ABHD3: variants seen among roughly 807,000 people sequenced by gnomAD.
The protein encoded by ABHD3 is phospholipase ABHD3.
ABHD3 carries 46 observed loss-of-function variants against 48.8 expected under a neutral mutation model. The observed-to-expected ratio is 0.94, with a 90% CI of 0.74 to 1.20. ABHD3 has a LOEUF of 1.20. ABHD3 is among the 50% of genes most tolerant of loss of function. The pLI is 0.00. For synonymous variants in ABHD3, 192 were observed against 183.7 expected (o/e 1.04, Z -0.36); for missense variants, 490 against 497.8 (o/e 0.98, Z 0.15).
chr18:21,674,194 T>G (rs2039822447), intron 4 of ABHD3, among the ~76,000 whole-genome samples: 1 of 151,928 alleles, frequency 6.6e-6, no homozygotes, highest in Non-Finnish European at 1.5e-5. Context: ...AATTATTATT[T>G]CTAAAACTCT....
chr18:21,703,710 C>A lies in ABHD3; in HGVS notation c.200G>T (p.Arg67Leu), dbSNP rs747133283. The change falls in exon 2 of 9, where the codon CGC becomes CTC. Residue 67 changes from arginine to leucine, a missense_variant. Arg to Leu is a moderately radical substitution (Grantham distance 102). Transcript: ENST00000289119. ...QLVTGGESFS[R>L]FLQDHCPVVT... is the part of the protein sequence containing the mutation. ...CACGGGACAGTGGTCTTGAAGGAAG[C>A]GGCTGAAACTCTCACCCCCGGTCAC... 1.9e-6 allele frequency: 3 copies of A among 1,613,882 alleles called. No homozygotes were observed. Among genetic ancestry groups the A allele is most frequent in the African/African-American group, 2.7e-5 (2 of 74,918 alleles).
At chr18:21,663,749 G>A in intron 5 of ABHD3, 1 of 1,535,570 alleles carries the variant, frequency 6.5e-7, no homozygotes, top group Non-Finnish European at 8.7e-7. Context: ...TAACTGGAGT[G>A]ATGAAAGTCA....
intron 3 of ABHD3, among the ~76,000 whole-genome samples, chr18:21,700,023 T>C (rs1265684436): frequency 6.6e-6 from 1 of 152,080 alleles, no homozygotes; most frequent in Non-Finnish European, 1.5e-5. Flanking sequence ...GTATGTGCAC[T>C]GGCAACTCCA....
At chr18:21,703,284 T>C (rs550540341) in intron 2 of ABHD3, among the ~76,000 whole-genome samples, 4 of 140,210 alleles carry the variant, frequency 2.9e-5, no homozygotes, top group Non-Finnish European at 4.6e-5. Flanking sequence ...TCTGGGTCTT[T>C]CTGACAGATG....
At chr18:21,689,399 A>C (rs2040194431) in intron 3 of ABHD3, among the ~76,000 whole-genome samples, 1 of 151,866 alleles carries the variant, frequency 6.6e-6, no homozygotes. Context: ...AAATACAAAA[A>C]TTAGCCATGC....
intron 3 of ABHD3, among the ~76,000 whole-genome samples, chr18:21,690,746 G>C (rs1211717067): frequency 6.6e-6 from 1 of 151,628 alleles, no homozygotes; most frequent in Non-Finnish European, 1.5e-5. Context: ...TGTAATCCCA[G>C]CACTTTGGGA....
chr18:21,660,613 T>G (rs1221830886), intron 5 of ABHD3, among the ~76,000 whole-genome samples: 1 of 152,212 alleles, frequency 6.6e-6, no homozygotes, highest in East Asian at 1.9e-4. Flanking sequence ...GTACTTGATT[T>G]CTTCAATTGT....
chr18:21,687,088 T>C (rs2040144372), intron 3 of ABHD3, among the ~76,000 whole-genome samples: 1 of 151,830 alleles, frequency 6.6e-6, no homozygotes, highest in Non-Finnish European at 1.5e-5. Context: ...TTTAAACTTT[T>C]TGTAGAGACG....
Position 21,653,718 on chromosome 18 carries a change from G to T in ABHD3, c.1058-1955C>A, listed in dbSNP as rs564027228. ...CCTGGGCAGCATAGCGAGACTGACC[G>T]TGTCTTTACAAAAAATGTTAAAAAA... On this transcript the variant is annotated intron_variant, in intron 8 of 8. Transcript: ENST00000289119. Among the ~76,000 whole-genome samples the T allele has an allele frequency of 3.5e-5, 5 of 141,678 alleles. No individual in the cohort carries two copies. In the East Asian group the frequency reaches 8.3e-4, roughly 23 times the overall value. 92.9% of individuals were successfully genotyped at this position (141,678 alleles called of 152,430 possible).
At chr18:21,673,134 T>G (rs2039792384) in intron 4 of ABHD3, among the ~76,000 whole-genome samples, 1 of 152,180 alleles carries the variant, frequency 6.6e-6, no homozygotes, top group African/African-American at 2.4e-5. Flanking sequence ...CTCACCTGGG[T>G]CATGGAGGCT....
At chr18:21,700,827 C>CAAAAAAAAAAAA (rs375239917) in intron 3 of ABHD3, among the ~76,000 whole-genome samples, 48 of 94,366 alleles carry the variant, frequency 5.1e-4, no homozygotes, top group African/African-American at 1.6e-3. Flanking sequence ...AAGTTTTAGC[C>CAAAAAAAAAAAA]AAAAAAAAAA....
intron 3 of ABHD3, among the ~76,000 whole-genome samples, chr18:21,690,996 CAAAA>C (rs34425997): frequency 1.6e-5 from 1 of 63,228 alleles, no homozygotes; most frequent in African/African-American, 6.1e-5. Flanking sequence ...GACTCTGTCT[CAAAA>C]AAAAAAAAAA....
Position 21,704,558 on chromosome 18 carries a change from A to G in ABHD3, c.108T>C (p.Leu36=). 6.5e-7 allele frequency: 1 copy of G among 1,531,694 alleles called. No homozygotes were observed. The highest frequency in any genetic ancestry group is 8.8e-7 in the Non-Finnish European group (1 of 1,141,084). 94.9% of individuals were successfully genotyped at this position (1,531,694 alleles called of 1,614,324 possible). The change falls in exon 1 of 9, where the codon CTT becomes CTC. Residue 36 remains leucine (L), a synonymous_variant. Coordinates refer to ENST00000289119, the MANE Select transcript of ABHD3 (RefSeq NM_138340.5). ...GFFGSGVGLS[L]ILGFSVAYAF... ...CATAAGCGACGCTGAAGCCCAGGAT[A>G]AGGGATAAGCCCACCCCCGAGCCGA...
Position 21,704,732 on chromosome 18 carries a change from G to A in ABHD3, c.-67C>T, listed in dbSNP as rs983902923. ...GCCGGCTGGCGAGCGGGCGAGAGCG[G>A]GCGAGAGCGGACGCGGCGCCGCTGC... On this transcript the variant is annotated 5_prime_UTR_variant, in exon 1 of 9. Coordinates refer to ENST00000289119, the MANE Select transcript of ABHD3 (RefSeq NM_138340.5). The A allele has an allele frequency of 3.4e-5, 45 of 1,308,514 alleles. No homozygotes were observed. Among genetic ancestry groups the A allele is most frequent in the Non-Finnish European group, 4.4e-5 (45 of 1,020,372 alleles). 81.1% of individuals were successfully genotyped at this position (1,308,514 alleles called of 1,614,324 possible).
chr18:21,686,044 A>G (rs1218381065), intron 3 of ABHD3, among the ~76,000 whole-genome samples: 5 of 152,154 alleles, frequency 3.3e-5, no homozygotes, highest in African/African-American at 4.8e-5. Flanking sequence ...GGATCTCACC[A>G]TGTTGCCCAG....
chr18:21,690,753 G>GGGAGGCCGAGGCA (rs1256222275), intron 3 of ABHD3, among the ~76,000 whole-genome samples: 6 of 151,694 alleles, frequency 4.0e-5, no homozygotes. Context: ...CCAGCACTTT[G>GGGAGGCCGAGGCA]GGAGGCCGAG....
chr18:21,664,635 T>G (rs918640376), intron 4 of ABHD3: 1 of 159,292 alleles, frequency 6.3e-6, no homozygotes, highest in Non-Finnish European at 1.4e-5. Context: ...ACCTTTTTTT[T>G]TGTTTGTTTT....
intron 4 of ABHD3, among the ~76,000 whole-genome samples, chr18:21,665,903 T>C (rs1362083038): frequency 2.6e-5 from 4 of 152,176 alleles, no homozygotes; most frequent in African/African-American, 4.8e-5. Flanking sequence ...GGGGAACTGT[T>C]TTCTCCACCT....
rs185060985 is a variant in ABHD3 at position 21,680,263 on chromosome 18, G to A, written c.555+3657C>T. On this transcript the variant is annotated intron_variant, in intron 4 of 8. Coordinates refer to ENST00000289119, the MANE Select transcript of ABHD3 (RefSeq NM_138340.5). ...ACTCCTGGCCTCAAGTGATGCACCC[G>A]CCTCAGCCTCCCAAAGTGTTGGGAT... Among the ~76,000 whole-genome samples the A allele has an allele frequency of 9.1e-3, 1,381 of 152,100 alleles. 9 individuals are homozygous for A. Among genetic ancestry groups the A allele is most frequent in the Middle Eastern group, 0.054 (16 of 294 alleles).
Sources: allele counts gnomAD v4.1 joint callset (sites outside exome capture counted in the v4.1 genomes callset), GRCh38; gene constraint gnomAD v4.1.1; transcripts MANE v1.5; gene names NCBI Gene and HGNC (gene_info 2026-07-23, HGNC 2026-07-21).